The following MSRA variants were observed in gnomAD, a reference collection of about 807,000 sequenced individuals.
The protein encoded by MSRA is mitochondrial peptide methionine sulfoxide reductase.
MSRA carries 54 observed loss-of-function variants against 31.3 expected under a neutral mutation model. The observed-to-expected ratio is 1.73, with a 90% CI of 1.39 to 2.17. The LOEUF is 2.17. MSRA is among the 30% of genes most tolerant of loss of function. MSRA has a pLI of 0.00. For synonymous variants in MSRA, 169 were observed against 116.5 expected, an observed-to-expected ratio of 1.45 and a Z score of -2.90; for missense variants, 507 against 300.9, an observed-to-expected ratio of 1.69 and a Z score of -5.07.
intron 1 of MSRA, among the ~76,000 whole-genome samples, chr8:10,168,489 G>A (rs996744402): frequency 6.6e-6 from 1 of 152,170 alleles, no homozygotes; most frequent in Non-Finnish European, 1.5e-5. Context: ...AAATTTTAGT[G>A]TATAAATGTG....
At chr8:10,062,388 TCCTC>T (rs1797248610) in intron 1 of MSRA, among the ~76,000 whole-genome samples, 1 of 152,330 alleles carries the variant, frequency 6.6e-6, no homozygotes, top group Middle Eastern at 3.4e-3. Flanking sequence ...GCTCTTATCT[TCCTC>T]ACATCATAAA....
chr8:10,427,127 ACAGT>A lies in MSRA; in HGVS notation c.544-1017_544-1014del, dbSNP rs753627951. Among the ~76,000 whole-genome samples, 11 of 152,194 alleles carry A rather than the reference ACAGT, an allele frequency of 7.2e-5. No individual in the cohort carries two copies. In the East Asian group the frequency reaches 1.5e-3, roughly 21 times the overall value. ...GACTTCATCTCACATGGACCAGTGG[ACAGT>A]CAGAGTGTGGTTGGTCCCCTCGTGA... On this transcript the variant is annotated intron_variant, in intron 5 of 5. Coordinates refer to ENST00000317173, the MANE Select transcript of MSRA (RefSeq NM_012331.5).
intron 1 of MSRA, among the ~76,000 whole-genome samples, chr8:10,166,242 C>T (rs1319749932): frequency 1.3e-5 from 2 of 152,054 alleles, no homozygotes; most frequent in African/African-American, 2.4e-5. Flanking sequence ...TCTCAGGTAG[C>T]AGGGGAGAAT....
chr8:10,418,779 A>G (rs1409893747), intron 5 of MSRA, among the ~76,000 whole-genome samples: 1 of 138,390 alleles, frequency 7.2e-6, no homozygotes, highest in Admixed American at 7.8e-5. Flanking sequence ...AATGGCTAAG[A>G]TAGTACATTT....
At chr8:10,254,220 C>G (rs758394910) in intron 3 of MSRA, among the ~76,000 whole-genome samples, 1 of 152,222 alleles carries the variant, frequency 6.6e-6, no homozygotes, top group Non-Finnish European at 1.5e-5. Context: ...CATCACGTCT[C>G]TGACTGGAGC....
intron 1 of MSRA, among the ~76,000 whole-genome samples, chr8:10,154,186 A>G (rs1211572963): frequency 6.6e-6 from 1 of 152,210 alleles, no homozygotes; most frequent in Non-Finnish European, 1.5e-5. Flanking sequence ...TGTCAAACGC[A>G]GTCACTGAAT....
At chr8:10,064,285 G>A (rs993764459) in intron 1 of MSRA, among the ~76,000 whole-genome samples, 3 of 152,154 alleles carry the variant, frequency 2.0e-5, no homozygotes, top group African/African-American at 7.2e-5. Context: ...AGAGACCTGC[G>A]TGTCCTCTGG....
intron 5 of MSRA, among the ~76,000 whole-genome samples, chr8:10,383,927 A>G (rs1011160912): frequency 1.3e-5 from 2 of 152,178 alleles, no homozygotes; most frequent in Non-Finnish European, 2.9e-5. Context: ...GACATTCCTC[A>G]TACGCTCATC....
intron 5 of MSRA, 87 bp from the exon 6 acceptor site, chr8:10,428,061 A>G: frequency 1.4e-6 from 2 of 1,442,690 alleles, no homozygotes; most frequent in Non-Finnish European, 1.9e-6. Flanking sequence ...GCGTCTGCTC[A>G]CTGCAGCCCT....
chr8:10,276,286 AGC>A (rs1799318136), intron 3 of MSRA, among the ~76,000 whole-genome samples: 1 of 152,222 alleles, frequency 6.6e-6, no homozygotes. Context: ...CACGCCACCC[AGC>A]GAGAGTTGGT....
At chr8:10,179,559 A>C (rs1207433320) in intron 1 of MSRA, among the ~76,000 whole-genome samples, 1 of 152,086 alleles carries the variant, frequency 6.6e-6, no homozygotes, top group African/African-American at 2.4e-5. Flanking sequence ...TTTCTCCCTA[A>C]TGTCTGGCAA....
At chr8:10,225,334 T>G (rs1028221558) in intron 2 of MSRA, among the ~76,000 whole-genome samples, 3 of 152,270 alleles carry the variant, frequency 2.0e-5, no homozygotes, top group Non-Finnish European at 4.4e-5. Context: ...GGGATAAGGT[T>G]TATCGCCTTG....
At chr8:10,267,330 G>A (rs1046043142) in intron 3 of MSRA, among the ~76,000 whole-genome samples, 2 of 152,182 alleles carry the variant, frequency 1.3e-5, no homozygotes, top group Admixed American at 6.5e-5. Context: ...CAGACACAGT[G>A]GGAGGGGAGG....
intron 1 of MSRA, among the ~76,000 whole-genome samples, chr8:10,076,184 G>A (rs1254802226): frequency 6.6e-6 from 1 of 152,238 alleles, no homozygotes; most frequent in Non-Finnish European, 1.5e-5. Context: ...AATAAGGAAA[G>A]AACCTAGAAT....
chr8:10,332,691 C>T (rs998747489), intron 5 of MSRA, among the ~76,000 whole-genome samples: 1 of 152,142 alleles, frequency 6.6e-6, no homozygotes, highest in Non-Finnish European at 1.5e-5. Context: ...TTTTCATTTC[C>T]ACTTATTACT....
chr8:10,094,413 G>T (rs9329214), intron 1 of MSRA, among the ~76,000 whole-genome samples: 1 of 152,130 alleles, frequency 6.6e-6, no homozygotes, highest in Non-Finnish European at 1.5e-5. Context: ...TTTGATTGGC[G>T]GAGCACACAA....
chr8:10,419,116 C>G (rs1563460036), intron 5 of MSRA, among the ~76,000 whole-genome samples: 1 of 152,202 alleles, frequency 6.6e-6, no homozygotes, highest in African/African-American at 2.4e-5. Flanking sequence ...ATCAGCATCT[C>G]TAGAGCCAGC....
chr8:10,148,516 G>A (rs1381519471), intron 1 of MSRA, among the ~76,000 whole-genome samples: 1 of 151,938 alleles, frequency 6.6e-6, no homozygotes, highest in Non-Finnish European at 1.5e-5. Context: ...GCATGGTGGT[G>A]CACATCTGCA....
chr8:10,119,343 C>G (rs892945352), intron 1 of MSRA, among the ~76,000 whole-genome samples: 1 of 152,144 alleles, frequency 6.6e-6, no homozygotes, highest in Non-Finnish European at 1.5e-5. Flanking sequence ...GCTGTAGGAT[C>G]CTGCTATTTG....
Sources: allele counts gnomAD v4.1 joint callset (sites outside exome capture counted in the v4.1 genomes callset), GRCh38; gene constraint gnomAD v4.1.1; transcripts MANE v1.5; gene names NCBI Gene and HGNC (gene_info 2026-07-23, HGNC 2026-07-21).